RANBP9: variants seen among roughly 807,000 people sequenced by gnomAD.
The protein encoded by RANBP9 is ran-binding protein 9.
RANBP9 carries 15 observed loss-of-function variants against 84.3 expected under a neutral mutation model. The ratio of observed to expected loss-of-function variants is 0.18; its 90% CI spans 0.12 to 0.27. The LOEUF (loss-of-function observed/expected upper bound fraction) is 0.27, where lower values mean the gene tolerates loss of function less well. Ranked by LOEUF, RANBP9 falls within the 10% of genes least tolerant of loss-of-function variation. The probability of loss-of-function intolerance (pLI) is 1.00; values close to 1 mark genes in which losing one functional copy is unlikely to be tolerated. For synonymous variants in RANBP9, 392 were observed against 349.6 expected, an observed-to-expected ratio of 1.12 and a Z score of -1.35; for missense variants, 809 against 912.8, an observed-to-expected ratio of 0.89 and a Z score of 1.46.
intron 2 of RANBP9, among the ~76,000 whole-genome samples, chr6:13,678,463 C>T (rs1311367687): frequency 6.6e-6 from 1 of 152,220 alleles, no homozygotes; most frequent in Non-Finnish European, 1.5e-5. Context: ...AGGAGCATGT[C>T]TTCCATATAC....
At chr6:13,665,074 C>G (rs1020819620) in intron 2 of RANBP9, among the ~76,000 whole-genome samples, 1 of 151,982 alleles carries the variant, frequency 6.6e-6, no homozygotes, top group African/African-American at 2.4e-5. Flanking sequence ...AAAAAGTAAG[C>G]CTTAATCTCT....
intron 2 of RANBP9, among the ~76,000 whole-genome samples, chr6:13,664,392 C>T (rs1765601180): frequency 6.6e-6 from 1 of 151,994 alleles, no homozygotes; most frequent in Non-Finnish European, 1.5e-5. Context: ...AATTGGGCAC[C>T]TCAACTGCAA....
At chr6:13,640,176 A>C (rs541926780) in intron 8 of RANBP9, among the ~76,000 whole-genome samples, 6 of 152,152 alleles carry the variant, frequency 3.9e-5, no homozygotes, top group Non-Finnish European at 8.8e-5. Context: ...CAACCTCTTA[A>C]CCAAAATGGG....
intron 4 of RANBP9, among the ~76,000 whole-genome samples, chr6:13,655,461 C>T (rs1450748269): frequency 2.0e-5 from 3 of 152,122 alleles, no homozygotes; most frequent in Admixed American, 6.5e-5. Flanking sequence ...AAGGACATTC[C>T]GTCTCAAAAA....
chr6:13,641,171 A>C, intron 8 of RANBP9, 28 bp downstream of exon 8: 2 of 1,287,032 alleles, frequency 1.6e-6, no homozygotes, highest in South Asian at 1.5e-5. Context: ...ATATATAACA[A>C]ATATAGCATT....
At chr6:13,654,840 G>A (rs1438004666) in intron 4 of RANBP9, among the ~76,000 whole-genome samples, 1 of 152,200 alleles carries the variant, frequency 6.6e-6, no homozygotes, top group Non-Finnish European at 1.5e-5. Context: ...TGGTTTACCA[G>A]TGGATCCCAG....
chr6:13,654,397 CAA>C (rs1765357788), intron 4 of RANBP9, among the ~76,000 whole-genome samples: 1 of 152,138 alleles, frequency 6.6e-6, no homozygotes, highest in South Asian at 2.1e-4. Flanking sequence ...CTATATACTG[CAA>C]AGTTTCTCTT....
intron 10 of RANBP9, among the ~76,000 whole-genome samples, chr6:13,634,921 C>T (rs892659327): frequency 3.3e-5 from 5 of 152,294 alleles, no homozygotes; most frequent in South Asian, 2.1e-4. Context: ...GCCCTCTCCC[C>T]CTACCCCCAG....
At chr6:13,657,596 A>C (rs922769723) in intron 3 of RANBP9, among the ~76,000 whole-genome samples, 1 of 152,198 alleles carries the variant, frequency 6.6e-6, no homozygotes, top group Non-Finnish European at 1.5e-5. Context: ...TAATACACCA[A>C]AATAATTTTG....
At position 13,644,648 on chromosome 6, in the gene RANBP9, C is replaced by G. The variant is rs2127766279; in HGVS notation, c.1009G>C (p.Asp337His). 1 of 1,613,360 alleles carries G rather than the reference C, an allele frequency of 6.2e-7. No individual in the cohort carries two copies. The highest frequency in any genetic ancestry group is 2.2e-5 in the East Asian group (1 of 44,794). Residue 337 changes from aspartate (D) to histidine (H), a missense_variant, in exon 6 of 14, where the codon GAT (aspartate) becomes CAT (histidine). Around this residue, in one of 5 missense-constraint regions of RANBP9, gnomAD observed 216 missense variants for 329.0 expected, o/e 0.66. Coordinates refer to ENST00000011619, the MANE Select transcript of RANBP9 (RefSeq NM_005493.3). ...ANFGQHPFVF[D>H]IEDYMREWRT... ...CACTCCCGCATATAGTCTTCTATAT[C>G]AAACACGAAAGGATGTTGCCCAAAA...
intron 11 of RANBP9, among the ~76,000 whole-genome samples, chr6:13,633,040 T>C (rs935630174): frequency 2.7e-5 from 4 of 150,494 alleles, no homozygotes; most frequent in African/African-American, 9.9e-5. Context: ...AAAAATAATT[T>C]TTTTTTTTTT....
At chr6:13,642,266 T>G (rs1765083741) in intron 7 of RANBP9, among the ~76,000 whole-genome samples, 2 of 152,148 alleles carry the variant, frequency 1.3e-5, no homozygotes, top group East Asian at 3.8e-4. Context: ...AAAACTTCTG[T>G]AAAATCTCTC....
At chr6:13,634,701 A>G in intron 10 of RANBP9, 149 bp from the exon 11 acceptor site, 1 of 850,404 alleles carries the variant, frequency 1.2e-6, no homozygotes, top group Non-Finnish European at 1.7e-6. Context: ...TAAATCTTGA[A>G]CGTATTCAAA....
chr6:13,710,594 C>G (rs1244891604), intron 1 of RANBP9, among the ~76,000 whole-genome samples: 1 of 152,228 alleles, frequency 6.6e-6, no homozygotes, highest in African/African-American at 2.4e-5. Context: ...ATGGATTCCT[C>G]TACCCAAGCC....
chr6:13,707,167 G>C (rs1758149642), intron 1 of RANBP9, among the ~76,000 whole-genome samples: 1 of 151,956 alleles, frequency 6.6e-6, no homozygotes, highest in Admixed American at 6.6e-5. Context: ...GGGATTTCAA[G>C]TGTGTGCCAC....
Position 13,632,437 on chromosome 6 carries a change from A to G in RANBP9, c.1880T>C (p.Leu627Pro). The G allele has an allele frequency of 6.2e-7, 1 of 1,613,998 alleles. No individual in the cohort carries two copies. Among genetic ancestry groups the G allele is most frequent in the Non-Finnish European group, 8.5e-7 (1 of 1,179,964 alleles). ...CCTTAGCTGTTCACTCATTGCTTGC[A>G]GCTCTCGTCCAAAGTGGATCATTCT... ...IERMIHFGRE[L>P]QAMSEQLRRD... Residue 627 changes from leucine (L) to proline (P), a missense_variant, in exon 12 of 14, where the codon CTG becomes CCG. Transcript: ENST00000011619.
At chr6:13,697,501 G>A (rs148862007) in intron 1 of RANBP9, among the ~76,000 whole-genome samples, 196 of 152,226 alleles carry the variant, frequency 1.3e-3, no homozygotes, top group African/African-American at 4.5e-3. Flanking sequence ...ATTTCTAAAC[G>A]TATTTTTTTC....
intron 12 of RANBP9, among the ~76,000 whole-genome samples, chr6:13,627,570 C>T (rs1764644551): frequency 7.1e-6 from 1 of 140,038 alleles, no homozygotes; most frequent in Non-Finnish European, 1.5e-5. Context: ...GCGGAGGCTG[C>T]AGTGAGCCAA....
chr6:13,681,885 G>C (rs1193259651), intron 2 of RANBP9, among the ~76,000 whole-genome samples: 1 of 151,570 alleles, frequency 6.6e-6, no homozygotes, highest in Admixed American at 6.6e-5. Flanking sequence ...TTTTGAGAGA[G>C]AGTCGTGCTG....
Sources: gnomAD v4.1 joint callset for allele counts (sites outside exome capture counted in the v4.1 genomes callset) on GRCh38, gnomAD v4.1.1 for gene constraint, gnomAD v4.1.1 regional missense constraint, MANE v1.5 for transcripts, NCBI Gene and HGNC (gene_info 2026-07-23, HGNC 2026-07-21) for gene names.